B4GALNT3: variants seen among roughly 807,000 people sequenced by gnomAD.
B4GALNT3 encodes the protein beta-1,4-N-acetylgalactosaminyltransferase 3.
Under a neutral mutation model 120.2 loss-of-function variants are expected in B4GALNT3, and 86 were observed. The ratio of observed to expected loss-of-function variants is 0.72; its 90% confidence interval spans 0.60 to 0.86. The LOEUF (loss-of-function observed/expected upper bound fraction) is 0.86. Ranked by LOEUF, B4GALNT3 falls within the 40% of genes least tolerant of loss-of-function variation. The probability of loss-of-function intolerance (pLI) is 0.00; values close to 1 mark genes in which losing one functional copy is unlikely to be tolerated. For synonymous variants in B4GALNT3, 518 were observed against 510.4 expected (o/e 1.01, Z -0.20); for missense variants, 1,167 against 1,298.9 (o/e 0.90, Z 1.56).
chr12:461,094 G>T (rs1182200252), intron 1 of B4GALNT3, among the ~76,000 whole-genome samples: 1 of 152,080 alleles, frequency 6.6e-6, no homozygotes, highest in Non-Finnish European at 1.5e-5. Context: ...GGAGAGTCCC[G>T]TCTCTTCCCC....
At chr12:554,750 A>C (rs1170402876) in intron 14 of B4GALNT3, among the ~76,000 whole-genome samples, 3 of 115,754 alleles carry the variant, frequency 2.6e-5, no homozygotes, top group African/African-American at 3.6e-5. Context: ...AGATTGCGCC[A>C]CTGCACTCCA....
At chr12:512,410 ACCTTCCG>A (rs140090392) in intron 1 of B4GALNT3, among the ~76,000 whole-genome samples, 16,822 of 81,726 alleles carry the variant, frequency 0.21, 2,300 homozygotes, top group African/African-American at 0.38. Context: ...TTGACCTTCC[ACCTTCCG>A]CCTTCCGCCT....
chr12:552,280 C>A, intron 12 of B4GALNT3, 117 bp downstream of exon 12: 2 of 926,356 alleles, frequency 2.2e-6, no homozygotes, highest in South Asian at 2.9e-5. Context: ...TGCTCTTGCT[C>A]TTCCTGAGTA....
chr12:501,404 A>G lies in B4GALNT3; in HGVS notation c.170-33762A>G, dbSNP rs11063296. Reference sequence around the variant, plus strand: ...AGCATCCTTTGTACCTTATCTTTATACAAAGGCTTGGAGAAATAGGGATCA... The same window carrying G: ...AGCATCCTTTGTACCTTATCTTTATGCAAAGGCTTGGAGAAATAGGGATCA... On this transcript the variant is annotated intron_variant, in intron 1 of 19. Coordinates refer to ENST00000266383, the MANE Select transcript of B4GALNT3 (RefSeq NM_173593.4). 7.2e-3 allele frequency among the ~76,000 whole-genome samples: 1,104 copies of G among 152,280 alleles called. 14 individuals are homozygous for G. Among genetic ancestry groups the G allele is most frequent in the Middle Eastern group, 0.01 (3 of 294 alleles).
rs1254365057 is a variant in B4GALNT3 at position 538,872 on chromosome 12, GT to G, written c.351+2578del. Among the ~76,000 whole-genome samples, 4 of 152,302 alleles carry G rather than the reference GT, an allele frequency of 2.6e-5. No individual in the cohort carries two copies. In the East Asian group the frequency reaches 7.7e-4, roughly 29 times the overall value. On this transcript the variant is annotated intron_variant, in intron 3 of 19. Transcript: ENST00000266383. Reference sequence around the variant, plus strand: ...GACTTCTGTTCCCATCCCCTTGCCTGTCCTTGGCCAGCAGGAAGTTCCCAGG... The same window carrying G: ...GACTTCTGTTCCCATCCCCTTGCCTGCCTTGGCCAGCAGGAAGTTCCCAGG...
At chr12:513,994 T>C (rs147144985) in intron 1 of B4GALNT3, among the ~76,000 whole-genome samples, 1 of 152,218 alleles carries the variant, frequency 6.6e-6, no homozygotes, top group African/African-American at 2.4e-5. Flanking sequence ...GCTTTTTGGC[T>C]ATTAGGAATA....
At chr12:472,864 C>G (rs942522868) in intron 1 of B4GALNT3, among the ~76,000 whole-genome samples, 7 of 152,038 alleles carry the variant, frequency 4.6e-5, no homozygotes, top group Admixed American at 6.5e-5. Flanking sequence ...ATTACAGGCA[C>G]AAGCCACTGT....
intron 3 of B4GALNT3, 97 bp from the exon 4 acceptor site, chr12:544,242 T>C: frequency 8.9e-7 from 1 of 1,127,902 alleles, no homozygotes; most frequent in Non-Finnish European, 1.3e-6. Flanking sequence ...GCTGAGGGTC[T>C]GGGGCGGGCA....
chr12:559,525 C>A, intron 19 of B4GALNT3, 104 bp downstream of exon 19: 1 of 1,516,236 alleles, frequency 6.6e-7, no homozygotes. Flanking sequence ...GCCGCAGAGT[C>A]CCAAAGCACA....
intron 1 of B4GALNT3, among the ~76,000 whole-genome samples, chr12:506,723 G>A (rs977998887): frequency 5.9e-5 from 9 of 151,964 alleles, no homozygotes; most frequent in Admixed American, 2.0e-4. Flanking sequence ...TGCAAGCTCC[G>A]CCTCCCGGGT....
chr12:540,985 C>A (rs1455995280), intron 3 of B4GALNT3, among the ~76,000 whole-genome samples: 1 of 152,210 alleles, frequency 6.6e-6, no homozygotes, highest in African/African-American at 2.4e-5. Context: ...CCTCGTGATC[C>A]GCCCGCCTCA....
At position 550,101 on chromosome 12, in the gene B4GALNT3, TAATTTTA is replaced by T. The variant is rs1306904579; in HGVS notation, c.997+190_997+196del. Among the ~76,000 whole-genome samples the T allele has an allele frequency of 6.6e-6, 1 of 152,238 alleles. No individual in the cohort carries two copies. The highest frequency in any genetic ancestry group is 2.4e-5 in the African/African-American group (1 of 41,454). ...TAAATAAGTATAAAATATTTACGTGTAATTTTACAATTCTGCATATCATTACAGAGTG... is the reference window on the plus strand; with the variant it reads ...TAAATAAGTATAAAATATTTACGTGTCAATTCTGCATATCATTACAGAGTG... On this transcript the variant is annotated intron_variant, in intron 10 of 19. Transcript: ENST00000266383. The surrounding 1 kb of genome is among the most constrained non-coding windows in gnomAD (Gnocchi z 4.1).
chr12:516,777 G>T (rs1027110771), intron 1 of B4GALNT3, among the ~76,000 whole-genome samples: 4 of 152,286 alleles, frequency 2.6e-5, no homozygotes, highest in African/African-American at 9.6e-5. Context: ...AGTTCCTCTG[G>T]CTACTAGACC....
At chr12:492,481 A>G (rs1946351782) in intron 1 of B4GALNT3, among the ~76,000 whole-genome samples, 1 of 152,238 alleles carries the variant, frequency 6.6e-6, no homozygotes, top group African/African-American at 2.4e-5. Context: ...TAATTAAGTA[A>G]AGAGATATTC....
chr12:552,094 A>G lies in B4GALNT3; in HGVS notation c.1139A>G (p.Tyr380Cys), dbSNP rs753598270. ...VHLSFVYPND[Y>C]TRLSHMETHN... is the part of the protein sequence containing the mutation. ...CTGTCTTTTGTTTACCCCAATGACTATACCCGCCTGAGCCACATGGAGACC... is the reference window on the plus strand; with the variant it reads ...CTGTCTTTTGTTTACCCCAATGACTGTACCCGCCTGAGCCACATGGAGACC... The change falls in exon 12 of 20, where the codon TAT becomes TGT. Residue 380 changes from tyrosine (Y) to cysteine (C), a missense_variant. Transcript: ENST00000266383. 1.9e-6 allele frequency: 3 copies of G among 1,612,762 alleles called. No homozygotes were observed.
intron 1 of B4GALNT3, among the ~76,000 whole-genome samples, chr12:485,777 G>T (rs1946284964): frequency 6.6e-6 from 1 of 152,168 alleles, no homozygotes; most frequent in Non-Finnish European, 1.5e-5. Flanking sequence ...GGTCTACCAT[G>T]TAAGGAGCTC....
intron 1 of B4GALNT3, among the ~76,000 whole-genome samples, chr12:522,011 G>C (rs571530696): frequency 1.3e-5 from 2 of 150,552 alleles, no homozygotes; most frequent in East Asian, 3.9e-4. Flanking sequence ...GCCCCAACCT[G>C]ACTCTACTCA....
intron 1 of B4GALNT3, among the ~76,000 whole-genome samples, chr12:482,146 G>A (rs1000003491): frequency 2.6e-5 from 4 of 152,190 alleles, no homozygotes; most frequent in African/African-American, 9.7e-5. Context: ...ACACATAGGG[G>A]TATAAAGAGG....
chr12:544,265 C>G, intron 3 of B4GALNT3, 74 bp from the exon 4 acceptor site: 2 of 1,420,610 alleles, frequency 1.4e-6, no homozygotes, highest in African/African-American at 2.8e-5. Flanking sequence ...GGATGCTCAT[C>G]CCCCTGGAGC....
Sources: allele counts gnomAD v4.1 joint callset (sites outside exome capture counted in the v4.1 genomes callset), GRCh38; gene constraint gnomAD v4.1.1; non-coding constraint Gnocchi (gnomAD v3.1); transcripts MANE v1.5; gene names NCBI Gene and HGNC (gene_info 2026-07-23, HGNC 2026-07-21).